ACSM5: variants seen among roughly 807,000 people sequenced by gnomAD.
The protein encoded by ACSM5 is acyl-coenzyme A synthetase ACSM5, mitochondrial.
A neutral mutation model predicts 71.6 loss-of-function variants in ACSM5; 56 were observed. The observed-to-expected ratio is 0.78, with a 90% CI of 0.63 to 0.98. The LOEUF is 0.98. Ranked by LOEUF, ACSM5 falls within the 50% of genes least tolerant of loss-of-function variation. The probability of loss-of-function intolerance (pLI) is 0.00; values close to 1 mark genes in which losing one functional copy is unlikely to be tolerated. For missense variants in ACSM5, 723 were observed against 726.0 expected, an observed-to-expected ratio of 1.00 and a Z score of 0.05; for synonymous variants, 285 against 281.5, an observed-to-expected ratio of 1.01 and a Z score of -0.12.
chr16:20,419,486 A>G, intron 4 of ACSM5, 51 bp downstream of exon 4: 1 of 1,559,666 alleles, frequency 6.4e-7, no homozygotes, highest in Admixed American at 1.7e-5. Context: ...TTTCCCCTTT[A>G]AGCAACAAAA....
intron 10 of ACSM5, among the ~76,000 whole-genome samples, chr16:20,432,543 T>C (rs1012589302): frequency 1.3e-5 from 2 of 152,214 alleles, no homozygotes; most frequent in African/African-American, 4.8e-5. Flanking sequence ...ATGTTAACAT[T>C]TAATGTATTT....
chr16:20,428,295 C>A (rs1395398400), intron 7 of ACSM5, among the ~76,000 whole-genome samples: 1 of 152,114 alleles, frequency 6.6e-6, no homozygotes, highest in African/African-American at 2.4e-5. Context: ...GTGGCCAGGG[C>A]CCTCAGGTGT....
rs938715593 is a variant in ACSM5, at chr16:20,419,120, A to C, written c.416-108A>C. 32 of 887,834 alleles carry C rather than the reference A, an allele frequency of 3.6e-5. No individual in the cohort carries two copies. The African/African-American group carries it at 5.0e-4, about 14-fold the overall frequency. 55.0% of individuals were successfully genotyped at this position (887,834 alleles called of 1,614,324 possible). A position where few individuals can be genotyped will look rare whatever the true frequency, so the allele number is the denominator to read the frequency against. On this transcript the variant is annotated intron_variant, in intron 3 of 13. Transcript: ENST00000331849. Reference sequence around the variant, plus strand: ...TATTATTATTATTGTTACGTCTTCCAGCTCATGCATTCCAACCCTCCCCAG... The same window carrying C: ...TATTATTATTATTGTTACGTCTTCCCGCTCATGCATTCCAACCCTCCCCAG...
intron 1 of ACSM5, among the ~76,000 whole-genome samples, chr16:20,409,872 GAGGGGCGGGAGAGGT>G (rs1966844112): frequency 1.2e-5 from 1 of 84,496 alleles, no homozygotes; most frequent in Non-Finnish European, 2.1e-5. Flanking sequence ...CAGGAGAGGT[GAGGGGCGGGAGAGGT>G]GAGGGGCGGG....
At position 20,440,294 on chromosome 16, in the gene ACSM5, T is replaced by C. The variant is rs781512393; in HGVS notation, c.1657-50T>C. ...TGTCTCTTTCAAAACAAAAGTCTTT[T>C]TGAGAAATGATGATTTCCAAGTGTT... On this transcript the variant is annotated intron_variant, in intron 13 of 13. Transcript: ENST00000331849. 320 of 1,246,100 alleles carry C rather than the reference T, an allele frequency of 2.6e-4. 7 individuals are homozygous for C. Among genetic ancestry groups the C allele is most frequent in the Non-Finnish European group, 2.5e-4 (215 of 849,444 alleles). 77.2% of individuals were successfully genotyped at this position (1,246,100 alleles called of 1,614,324 possible). A position where few individuals can be genotyped will look rare whatever the true frequency, so the allele number is the denominator to read the frequency against.
intron 2 of ACSM5, among the ~76,000 whole-genome samples, chr16:20,417,417 T>C (rs546620556): frequency 2.0e-5 from 3 of 152,232 alleles, no homozygotes; most frequent in Admixed American, 6.5e-5. Context: ...AGATAAATCT[T>C]GAAAGCATTG....
intron 4 of ACSM5, among the ~76,000 whole-genome samples, chr16:20,420,642 G>A (rs1315166641): frequency 2.0e-5 from 3 of 152,176 alleles, no homozygotes; most frequent in African/African-American, 7.2e-5. Context: ...GATTTTGAGA[G>A]CTGTCAGGTG....
intron 5 of ACSM5, among the ~76,000 whole-genome samples, chr16:20,422,296 G>C (rs1357077086): frequency 6.6e-6 from 1 of 152,036 alleles, no homozygotes; most frequent in Non-Finnish European, 1.5e-5. Flanking sequence ...ATTTTTAGTA[G>C]AGACCGGGTT....
At chr16:20,412,079 C>T (rs961553581) in intron 2 of ACSM5, 2 of 247,544 alleles carry the variant, frequency 8.1e-6, no homozygotes, top group African/African-American at 4.5e-5. Flanking sequence ...GGCGCGGTGG[C>T]TCATGACCAT....
chr16:20,420,179 C>A (rs943117878), intron 4 of ACSM5, among the ~76,000 whole-genome samples: 1 of 152,214 alleles, frequency 6.6e-6, no homozygotes, highest in African/African-American at 2.4e-5. Context: ...GTTATGAATG[C>A]TCACCCCACA....
intron 2 of ACSM5, among the ~76,000 whole-genome samples, chr16:20,413,832 T>A (rs1966851831): frequency 6.6e-6 from 1 of 152,176 alleles, no homozygotes. Flanking sequence ...GCTAAAGGTG[T>A]GCCCCAACAC....
At position 20,430,200 on chromosome 16, in the gene ACSM5, T is replaced by TACACAC. The variant is rs199835504; in HGVS notation, c.1125+430_1125+435dup. On this transcript the variant is annotated intron_variant, in intron 8 of 13. Transcript: ENST00000331849. Reference sequence around the variant, plus strand: ...GCTCGAACCCAAAAAGCTATTGAAATACACACACACACACACACACACACA... The same window carrying TACACAC: ...GCTCGAACCCAAAAAGCTATTGAAATACACACACACACACACACACACACACACACA... Among the ~76,000 whole-genome samples, 1,285 of 144,832 alleles carry TACACAC rather than the reference T, an allele frequency of 8.9e-3. 3 individuals carry two copies. The highest frequency in any genetic ancestry group is 0.017 in the African/African-American group (655 of 39,446).
chr16:20,427,224 C>T (rs1276553582), intron 6 of ACSM5, among the ~76,000 whole-genome samples: 1 of 151,996 alleles, frequency 6.6e-6, no homozygotes, highest in Non-Finnish European at 1.5e-5. Flanking sequence ...TGCTTGAACC[C>T]GGGAGGCAGA....
intron 4 of ACSM5, among the ~76,000 whole-genome samples, chr16:20,420,864 T>C (rs1966875344): frequency 6.6e-6 from 1 of 152,132 alleles, no homozygotes; most frequent in African/African-American, 2.4e-5. Flanking sequence ...ATTACCTAGA[T>C]CTCAAAACCC....
At chr16:20,436,279 T>G in intron 10 of ACSM5, among the ~76,000 whole-genome samples, 1 of 75,968 alleles carries the variant, frequency 1.3e-5, no homozygotes, top group South Asian at 5.0e-4. Flanking sequence ...TCCCCTCCCC[T>G]TCCTTTCCTT....
chr16:20,411,601 G>T lies in ACSM5; in HGVS notation c.117G>T (p.Trp39Cys), dbSNP rs1339270046. 6.2e-7 allele frequency: 1 copy of T among 1,614,136 alleles called. No individual in the cohort carries two copies. The highest frequency in any genetic ancestry group is 1.7e-5 in the Admixed American group (1 of 60,030). ...TTCCTCAGAAGATCGTGGCCACCTGGGAAGCCATCAGCCTGGGAAGGCAGC... is the reference window on the plus strand; with the variant it reads ...TTCCTCAGAAGATCGTGGCCACCTGTGAAGCCATCAGCCTGGGAAGGCAGC... ...LPVPQKIVAT[W>C]EAISLGRQLV... is the part of the protein sequence containing the mutation. The change falls in exon 2 of 14, where the codon TGG becomes TGT. Residue 39 changes from tryptophan to cysteine, a missense_variant. Trp to Cys is a radical substitution (Grantham distance 215, BLOSUM62 -2). Coordinates refer to ENST00000331849, the MANE Select transcript of ACSM5 (RefSeq NM_017888.3).
In ACSM5 at chr16:20,411,556, G is replaced by A. The variant is rs1366078361; in HGVS notation, c.72G>A (p.Gly24=). 4 of 1,614,096 alleles carry A rather than the reference G, an allele frequency of 2.5e-6. No individual in the cohort carries two copies. The highest frequency in any genetic ancestry group is 1.7e-5 in the Admixed American group (1 of 60,014). The change falls in exon 2 of 14, where the codon GGG becomes GGA. Residue 24 remains glycine, a synonymous_variant. Coordinates refer to ENST00000331849, the MANE Select transcript of ACSM5 (RefSeq NM_017888.3). Reference sequence around the variant, plus strand: ...CCAGGGCATTCTGTGGGTCTCATGGGAAGCCAGCACCTCTACCTGTTCCTC... The same window carrying A: ...CCAGGGCATTCTGTGGGTCTCATGGAAAGCCAGCACCTCTACCTGTTCCTC... ...RNSRAFCGSH[G]KPAPLPVPQK...
intron 6 of ACSM5, among the ~76,000 whole-genome samples, chr16:20,424,873 A>C (rs1390955796): frequency 6.6e-6 from 1 of 152,276 alleles, no homozygotes; most frequent in African/African-American, 2.4e-5. Context: ...TTGTGGATAC[A>C]TAGTAGGTGT....
intron 10 of ACSM5, among the ~76,000 whole-genome samples, chr16:20,434,381 C>G (rs76545275): frequency 6.6e-6 from 1 of 152,120 alleles, no homozygotes; most frequent in African/African-American, 2.4e-5. Flanking sequence ...ATCTGTCATG[C>G]TAATTTTGTC....
Sources: gnomAD v4.1 joint callset for allele counts (sites outside exome capture counted in the v4.1 genomes callset) on GRCh38, gnomAD v4.1.1 for gene constraint, MANE v1.5 for transcripts, NCBI Gene and HGNC (gene_info 2026-07-23, HGNC 2026-07-21) for gene names.